MADCAM1: variants seen among roughly 807,000 people sequenced by gnomAD.
MADCAM1 encodes mucosal addressin cell adhesion molecule 1.
In MADCAM1, 19 loss-of-function variants were observed where a neutral mutation model predicts 26.1. That is an observed-to-expected ratio of 0.73 (90% CI 0.51 to 1.07). The LOEUF is 1.07. Among genes scored for constraint, MADCAM1 ranks in the 50% least tolerant of loss-of-function variants. The probability of loss-of-function intolerance (pLI) is 0.00; values close to 1 mark genes in which losing one functional copy is unlikely to be tolerated. For missense variants in MADCAM1, 514 were observed against 542.1 expected, an observed-to-expected ratio of 0.95 and a Z score of 0.51; for synonymous variants, 268 against 260.9, an observed-to-expected ratio of 1.03 and a Z score of -0.26.
chr19:505,034 A>C lies in MADCAM1; in HGVS notation c.*69A>C. On this transcript the variant is annotated 3_prime_UTR_variant, in exon 5 of 5. Coordinates refer to ENST00000215637, the MANE Select transcript of MADCAM1 (RefSeq NM_130760.3). Reference sequence around the variant, plus strand: ...CTTCAAGTTGAGAACTGGTCAGGGCAAACCTGCCTCCCATTCTACTCAAAG... The same window carrying C: ...CTTCAAGTTGAGAACTGGTCAGGGCCAACCTGCCTCCCATTCTACTCAAAG... The C allele has an allele frequency of 8.7e-7, 1 of 1,152,510 alleles. No individual in the cohort carries two copies. Among genetic ancestry groups the C allele is most frequent in the Non-Finnish European group, 1.2e-6 (1 of 827,434 alleles). 71.4% of individuals were successfully genotyped at this position (1,152,510 alleles called of 1,614,324 possible).
At chr19:498,941 G>T in intron 3 of MADCAM1, 116 bp downstream of exon 3, 2 of 1,350,430 alleles carry the variant, frequency 1.5e-6, no homozygotes, top group Non-Finnish European at 2.0e-6. Context: ...GGGAGGACTG[G>T]ATTCCCCCAC....
chr19:505,033 C>A lies in MADCAM1; in HGVS notation c.*68C>A, dbSNP rs1380238430. On this transcript the variant is annotated 3_prime_UTR_variant, in exon 5 of 5. Transcript: ENST00000215637. ...CCTTCAAGTTGAGAACTGGTCAGGGCAAACCTGCCTCCCATTCTACTCAAA... is the reference window on the plus strand; with the variant it reads ...CCTTCAAGTTGAGAACTGGTCAGGGAAAACCTGCCTCCCATTCTACTCAAA... 3 of 1,155,278 alleles carry A rather than the reference C, an allele frequency of 2.6e-6. No homozygotes were observed. Among genetic ancestry groups the A allele is most frequent in the Non-Finnish European group, 2.4e-6 (2 of 828,572 alleles). The allele number at this position is 1,155,278 out of a possible 1,614,324, so 71.6% of individuals were successfully genotyped here.
At chr19:503,168 T>C (rs1411959199) in intron 4 of MADCAM1, among the ~76,000 whole-genome samples, 3 of 152,166 alleles carry the variant, frequency 2.0e-5, no homozygotes, top group African/African-American at 7.2e-5. Context: ...TTCTACTTCC[T>C]ACAGGTAATT....
At chr19:500,089 C>T (rs1978312938) in intron 3 of MADCAM1, 1 of 455,970 alleles carries the variant, frequency 2.2e-6, no homozygotes, top group South Asian at 1.5e-5. Context: ...ATCAGTCCCA[C>T]AGGGGATGGA....
rs1482250522 is a variant in MADCAM1, at chr19:505,207, C to A, written c.*242C>A. The A allele has an allele frequency of 9.1e-6, 4 of 437,524 alleles. No individual in the cohort carries two copies. The highest frequency in any genetic ancestry group is 1.6e-5 in the Non-Finnish European group (4 of 246,628). 27.1% of individuals were successfully genotyped at this position (437,524 alleles called of 1,614,324 possible). On this transcript the variant is annotated 3_prime_UTR_variant, in exon 5 of 5. Transcript: ENST00000215637. ...TGGTCCCCACCTTTCTGGACGGAAC[C>A]ACGTACTTTTTACATACATTGATTC... is the stretch of plus-strand genomic sequence containing the variant.
intron 4 of MADCAM1, among the ~76,000 whole-genome samples, chr19:502,394 T>C (rs766697294): frequency 3.8e-4 from 58 of 152,066 alleles, no homozygotes; most frequent in Admixed American, 1.2e-3. Context: ...CTCCGCCTCC[T>C]GGGTTCAAGC....
At chr19:500,360 TTCC>T (rs1272444405) in intron 3 of MADCAM1, among the ~76,000 whole-genome samples, 1 of 152,204 alleles carries the variant, frequency 6.6e-6, no homozygotes, top group Non-Finnish European at 1.5e-5. Context: ...GTGCCTCAGC[TTCC>T]TCATCTGTCC....
rs753282801 is a variant in MADCAM1, at chr19:501,853, C to T, written c.852C>T (p.Ser284=). The T allele has an allele frequency of 6.4e-7, 1 of 1,558,102 alleles. No homozygotes were observed. Among genetic ancestry groups the T allele is most frequent in the Non-Finnish European group, 8.7e-7 (1 of 1,151,542 alleles). Residue 284 remains serine (S), a synonymous_variant, in exon 4 of 5, where the codon AGC becomes AGT. Coordinates refer to ENST00000215637, the MANE Select transcript of MADCAM1 (RefSeq NM_130760.3). ...AGGGCTCCACACACACCCCCAGGAG[C>T]CCAGGCTCCACCAGGACTCGCCGCC... is the stretch of plus-strand genomic sequence containing the variant. ...PQQGSTHTPR[S]PGSTRTRRPE... is the part of the protein sequence containing the mutation.
Position 504,876 on chromosome 19 carries a change from C to G in MADCAM1, c.1060C>G (p.His354Asp), listed in dbSNP as rs1299418312. The G allele has an allele frequency of 6.2e-7, 1 of 1,612,974 alleles. No individual in the cohort carries two copies. Among genetic ancestry groups the G allele is most frequent in the African/African-American group, 1.3e-5 (1 of 75,060 alleles). ...RCRHLAEDDT[H>D]PPASLRLLPQ... Reference sequence around the variant, plus strand: ...CCGGCACCTGGCTGAGGACGACACCCACCCACCAGCTTCTCTGAGGCTTCT... The same window carrying G: ...CCGGCACCTGGCTGAGGACGACACCGACCCACCAGCTTCTCTGAGGCTTCT... The change falls in exon 5 of 5, where the codon CAC becomes GAC. Residue 354 changes from histidine (H) to aspartate (D), a missense_variant. His to Asp is a moderately conservative substitution (Grantham distance 81). Transcript: ENST00000215637.
Position 497,922 on chromosome 19 carries a change from CG to C in MADCAM1, c.143del (p.Arg48ProfsTer71). ...ALGASRQLTC[R>X]LACADRGASV... ...GGGCGCCTCGCGCCAGCTCACCTGC[CG>C]CCTGGCCTGCGCGGACCGCGGGGCC... On this transcript the variant is annotated frameshift_variant, in exon 2 of 5. Transcript: ENST00000215637. LOFTEE classifies it high-confidence loss of function. 7.1e-7 allele frequency: 1 copy of C among 1,399,392 alleles called. No homozygotes were observed. Among genetic ancestry groups the C allele is most frequent in the South Asian group, 1.6e-5 (1 of 64,414 alleles). 86.7% of individuals were successfully genotyped at this position (1,399,392 alleles called of 1,614,324 possible).
At chr19:500,785 G>A (rs1369516906) in intron 3 of MADCAM1, among the ~76,000 whole-genome samples, 1 of 151,674 alleles carries the variant, frequency 6.6e-6, no homozygotes, top group Non-Finnish European at 1.5e-5. Context: ...CGGGAGAATC[G>A]CTTGAACCCG....
At position 504,701 on chromosome 19, in the gene MADCAM1, G is replaced by C. The variant is rs768630518; in HGVS notation, c.929-44G>C. The stretch of plus-strand genomic sequence containing the variant: ...GCTCCTCCCTTCCCAAGCCTGCAGA[G>C]GCCTGGAGGGCTCTGACCGGGGTCT... On this transcript the variant is annotated intron_variant, in intron 4 of 4. Transcript: ENST00000215637. 6.3e-6 allele frequency: 9 copies of C among 1,439,690 alleles called. No homozygotes were observed. In the Admixed American group the frequency reaches 1.6e-4, roughly 25 times the overall value. 89.2% of individuals were successfully genotyped at this position (1,439,690 alleles called of 1,614,324 possible).
chr19:505,154 T>TA lies in MADCAM1; in HGVS notation c.*190dup, dbSNP rs746951141. The TA allele has an allele frequency of 1.1e-5, 6 of 531,680 alleles. No homozygotes were observed. Among genetic ancestry groups the TA allele is most frequent in the Non-Finnish European group, 2.0e-5 (6 of 301,350 alleles). 32.9% of individuals were successfully genotyped at this position (531,680 alleles called of 1,614,324 possible). On this transcript the variant is annotated 3_prime_UTR_variant, in exon 5 of 5. Transcript: ENST00000215637. ...AAAGAAGGCCACTGTTTGTCTCACC[T>TA]ACCCATGACCTGAAGCCCCTCCCTG...
rs565184057 is a variant in MADCAM1 at position 504,921 on chromosome 19, G to A, written c.1105G>A (p.Ala369Thr). 4 of 1,612,052 alleles carry A rather than the reference G, an allele frequency of 2.5e-6. No homozygotes were observed. The highest frequency in any genetic ancestry group is 2.2e-5 in the South Asian group (2 of 91,050). The change falls in exon 5 of 5, where the codon GCT becomes ACT. Residue 369 changes from alanine to threonine, a missense_variant. Physicochemically the swap from Ala to Thr is moderately conservative, Grantham distance 58 (BLOSUM62 0). Coordinates refer to ENST00000215637, the MANE Select transcript of MADCAM1 (RefSeq NM_130760.3). ...GCTTCTGCCCCAGGTGTCGGCCTGG[G>A]CTGGGTTAAGGGGGACCGGCCAGGT... ...LRLLPQVSAW[A>T]GLRGTGQVGI...
chr19:497,734 G>C, intron 1 of MADCAM1, 99 bp from the exon 2 acceptor site: 1 of 1,005,326 alleles, frequency 9.9e-7, no homozygotes, highest in Non-Finnish European at 1.3e-6. Flanking sequence ...GAACCGGGCA[G>C]AGGCGGGGCG....
Position 498,040 on chromosome 19 carries a change from C to G in MADCAM1, c.260C>G (p.Ser87Trp), listed in dbSNP as rs1213535757. The G allele has an allele frequency of 3.4e-6, 5 of 1,490,618 alleles. No homozygotes were observed. Among genetic ancestry groups the G allele is most frequent in the Non-Finnish European group, 3.6e-6 (4 of 1,126,326 alleles). 92.3% of individuals were successfully genotyped at this position (1,490,618 alleles called of 1,614,324 possible). ...CTCACCGTGCGCAACGCCTCGCTGT[C>G]GGCGGCCGGGACCCGCGTGTGCGTG... ...SVLTVRNASL[S>W]AAGTRVCVGS... Residue 87 changes from serine to tryptophan, a missense_variant, in exon 2 of 5, where the codon TCG becomes TGG. This residue lies in a region of MADCAM1 where 317 missense variants were observed against 313.6 expected (regional missense o/e 1.01). Transcript: ENST00000215637.
At chr19:496,920 G>A (rs1215100016) in intron 1 of MADCAM1, among the ~76,000 whole-genome samples, 1 of 12,016 alleles carries the variant, frequency 8.3e-5, no homozygotes, top group East Asian at 1.8e-3. Context: ...GGGGGCGCGG[G>A]AGAGGGGAGG....
In MADCAM1 at chr19:497,980, T is replaced by C; in HGVS notation, c.200T>C (p.Leu67Pro). The C allele has an allele frequency of 6.7e-7, 1 of 1,497,814 alleles. No homozygotes were observed. The allele number at this position is 1,497,814 out of a possible 1,614,324, so 92.8% of individuals were successfully genotyped here. The change falls in exon 2 of 5, where the codon CTG (leucine) becomes CCG (proline). Residue 67 changes from leucine to proline, a missense_variant. Leu to Pro is a moderately conservative substitution (Grantham distance 98, BLOSUM62 -3). Coordinates refer to ENST00000215637, the MANE Select transcript of MADCAM1 (RefSeq NM_130760.3). ...CAGTGGCGGGGCCTGGACACCAGCC[T>C]GGGCGCGGTGCAGTCGGACACGGGC... ...SVQWRGLDTS[L>P]GAVQSDTGRS...
rs1600384188 is a variant in MADCAM1, at chr19:497,912, G to A, written c.132G>A (p.Gln44=). ...VVAVALGASR[Q]LTCRLACADR... ...CCGTGGCCTTGGGCGCCTCGCGCCA[G>A]CTCACCTGCCGCCTGGCCTGCGCGG... Residue 44 remains glutamine, a synonymous_variant, in exon 2 of 5, where the codon CAG becomes CAA. Coordinates refer to ENST00000215637, the MANE Select transcript of MADCAM1 (RefSeq NM_130760.3). 7.2e-7 allele frequency: 1 copy of A among 1,379,592 alleles called. No homozygotes were observed. Among genetic ancestry groups the A allele is most frequent in the African/African-American group, 1.5e-5 (1 of 65,734 alleles). 85.5% of individuals were successfully genotyped at this position (1,379,592 alleles called of 1,614,324 possible).
Sources: allele counts gnomAD v4.1 joint callset (sites outside exome capture counted in the v4.1 genomes callset), GRCh38; gene constraint gnomAD v4.1.1; regional missense constraint gnomAD v4.1.1; transcripts MANE v1.5; gene names NCBI Gene and HGNC (gene_info 2026-07-23, HGNC 2026-07-21).